Variants in NPAS3 observed in about 807,000 individuals in gnomAD.
The protein encoded by NPAS3 is neuronal PAS domain-containing protein 3.
In NPAS3, 14 loss-of-function variants were observed where a neutral mutation model predicts 73.1. The observed-to-expected ratio is 0.19, with a 90% CI of 0.13 to 0.30. The LOEUF (loss-of-function observed/expected upper bound fraction) is 0.30, where lower values mean the gene tolerates loss of function less well. Among genes scored for constraint, NPAS3 ranks in the 10% least tolerant of loss-of-function variants. The pLI is 1.00. For synonymous variants in NPAS3, 620 were observed against 541.5 expected (o/e 1.14, Z -2.01); for missense variants, 1,096 against 1,250.0 (o/e 0.88, Z 1.86).
At chr14:33,253,669 T>C (rs1044579143) in intron 3 of NPAS3, among the ~76,000 whole-genome samples, 1 of 152,092 alleles carries the variant, frequency 6.6e-6, no homozygotes, top group African/African-American at 2.4e-5. Flanking sequence ...TAATGGACTT[T>C]ATGTCCCCCA....
At chr14:33,708,572 A>G (rs1595478311) in intron 6 of NPAS3, among the ~76,000 whole-genome samples, 1 of 152,296 alleles carries the variant, frequency 6.6e-6, no homozygotes, top group South Asian at 2.1e-4. Flanking sequence ...AAACCAATAC[A>G]GGCTTTATTC....
At chr14:33,404,095 T>G (rs1223953933) in intron 4 of NPAS3, among the ~76,000 whole-genome samples, 1 of 152,082 alleles carries the variant, frequency 6.6e-6, no homozygotes, top group Non-Finnish European at 1.5e-5. Flanking sequence ...ATAGTAAAAT[T>G]TTTTTGTCTC....
chr14:33,429,786 TATG>T, intron 4 of NPAS3, among the ~76,000 whole-genome samples: 1 of 152,302 alleles, frequency 6.6e-6, no homozygotes, highest in South Asian at 2.1e-4. Context: ...AGTTGGATGT[TATG>T]ATGATATGTG....
chr14:33,173,661 A>G (rs968328184), intron 2 of NPAS3, among the ~76,000 whole-genome samples: 10 of 152,206 alleles, frequency 6.6e-5, no homozygotes, highest in Admixed American at 5.9e-4. Context: ...ATGTTTAACC[A>G]GGAAGAATTC....
At chr14:33,270,713 T>C (rs918960210) in intron 3 of NPAS3, among the ~76,000 whole-genome samples, 1 of 152,210 alleles carries the variant, frequency 6.6e-6, no homozygotes, top group Non-Finnish European at 1.5e-5. Context: ...TTCTTTTTTG[T>C]TTTTTAAAAT....
intron 1 of NPAS3, among the ~76,000 whole-genome samples, chr14:33,025,470 C>T (rs2039767953): frequency 6.6e-6 from 1 of 152,148 alleles, no homozygotes; most frequent in Non-Finnish European, 1.5e-5. Context: ...TGTTAACTTG[C>T]TGGTATCCTC....
chr14:32,938,485 T>TAGACAGAGAGAGAGAGAGAG (rs1491191135), upstream of NPAS3, among the ~76,000 whole-genome samples: 7 of 21,742 alleles, frequency 3.2e-4, no homozygotes, highest in African/African-American at 8.0e-4. Context: ...GAGAGAGAAA[T>TAGACAGAGAGAGAGAGAGAG]TGAGAGAGAG....
intron 1 of NPAS3, among the ~76,000 whole-genome samples, chr14:32,992,529 C>T (rs1335908302): frequency 6.6e-6 from 1 of 152,110 alleles, no homozygotes; most frequent in Non-Finnish European, 1.5e-5. Context: ...AGAAACCACA[C>T]TTGTCCTAGA....
intron 5 of NPAS3, among the ~76,000 whole-genome samples, chr14:33,596,026 G>C (rs964697496): frequency 6.6e-6 from 1 of 152,124 alleles, no homozygotes; most frequent in Admixed American, 6.5e-5. Context: ...ACTTTACGTC[G>C]GTACCAATGT....
At chr14:33,590,938 A>G (rs1235479215) in intron 5 of NPAS3, among the ~76,000 whole-genome samples, 2 of 152,204 alleles carry the variant, frequency 1.3e-5, no homozygotes, top group Non-Finnish European at 2.9e-5. Context: ...CACATTAGGC[A>G]GGCCTCTGAC....
At chr14:33,062,317 G>A (rs2041136284) in intron 2 of NPAS3, among the ~76,000 whole-genome samples, 1 of 151,740 alleles carries the variant, frequency 6.6e-6, no homozygotes, top group South Asian at 2.1e-4. Flanking sequence ...AAAAAAGAAG[G>A]AATGTGAAAT....
chr14:33,113,748 C>T (rs965292474), intron 2 of NPAS3, among the ~76,000 whole-genome samples: 3 of 152,120 alleles, frequency 2.0e-5, no homozygotes, highest in Non-Finnish European at 2.9e-5. Context: ...CTTGTGCCAG[C>T]TTTCAAAGGG....
At chr14:33,767,440 G>T (rs1047531296) in intron 7 of NPAS3, among the ~76,000 whole-genome samples, 1 of 151,966 alleles carries the variant, frequency 6.6e-6, no homozygotes, top group Non-Finnish European at 1.5e-5. Context: ...CTGAGCTAGT[G>T]ATTTGACGAT....
intron 6 of NPAS3, among the ~76,000 whole-genome samples, chr14:33,731,881 G>A (rs1322283441): frequency 6.6e-6 from 1 of 152,158 alleles, no homozygotes; most frequent in Admixed American, 6.5e-5. Flanking sequence ...TTTTAGTTGT[G>A]TAGGTCTTGT....
At chr14:32,938,967 G>T (rs992429064), upstream of NPAS3, among the ~76,000 whole-genome samples, 1 of 146,104 alleles carries the variant, frequency 6.8e-6, no homozygotes, top group Non-Finnish European at 1.5e-5. Flanking sequence ...CGGCGGCGGC[G>T]CCGGGCGAGC....
chr14:33,384,590 A>G (rs1418962614), intron 4 of NPAS3, among the ~76,000 whole-genome samples: 2 of 152,092 alleles, frequency 1.3e-5, no homozygotes, highest in Admixed American at 6.6e-5. Flanking sequence ...TTAGCTGGGC[A>G]TGGTGGCACA....
chr14:33,486,566 A>G (rs1354667355), intron 4 of NPAS3, among the ~76,000 whole-genome samples: 2 of 152,192 alleles, frequency 1.3e-5, no homozygotes, highest in African/African-American at 2.4e-5. Context: ...CCTGTTATAC[A>G]TGAAGGGAAG....
intron 1 of NPAS3, among the ~76,000 whole-genome samples, chr14:33,022,787 A>C (rs2039656869): frequency 6.6e-6 from 1 of 152,148 alleles, no homozygotes; most frequent in African/African-American, 2.4e-5. Context: ...AAATATTTAA[A>C]AGGATAAATA....
chr14:33,493,296 A>G (rs2051996212), intron 4 of NPAS3, among the ~76,000 whole-genome samples: 1 of 149,522 alleles, frequency 6.7e-6, no homozygotes, highest in Non-Finnish European at 1.5e-5. Flanking sequence ...GGAAGATATT[A>G]TGGTAAAGTT....
Sources: allele counts gnomAD v4.1 joint callset (sites outside exome capture counted in the v4.1 genomes callset), GRCh38; gene constraint gnomAD v4.1.1; transcripts MANE v1.5; gene names NCBI Gene and HGNC (gene_info 2026-07-23, HGNC 2026-07-21).